Variants in RNASE8 observed in about 807,000 individuals in gnomAD.
RNASE8 encodes the protein ribonuclease 8.
For missense variants in RNASE8, 179 were observed against 187.9 expected (o/e 0.95, Z 0.28); for synonymous variants, 68 against 74.1 (o/e 0.92, Z 0.42).
Position 21,058,046 on chromosome 14 carries a change from T to C in RNASE8, c.154T>C (p.Ser52Pro). ...GCAGCCCAGCCCTCAAGCATGCAACTCAGCCATGAGCATCATCAATAAGTA... is the reference window on the plus strand; with the variant it reads ...GCAGCCCAGCCCTCAAGCATGCAACCCAGCCATGAGCATCATCAATAAGTA... Reference protein sequence around the residue: ...HVQPSPQACNSAMSIINKYTE... With the variant: ...HVQPSPQACNPAMSIINKYTE... The change falls in exon 1 of 1, where the codon TCA (serine) becomes CCA (proline). Residue 52 changes from serine (S) to proline (P), a missense_variant. Physicochemically the swap from Ser to Pro is moderately conservative, Grantham distance 74. Coordinates refer to ENST00000308227, the MANE Select transcript of RNASE8 (RefSeq NM_138331.2). The C allele has an allele frequency of 6.2e-7, 1 of 1,614,086 alleles. No homozygotes were observed. The highest frequency in any genetic ancestry group is 1.1e-5 in the South Asian group (1 of 91,062).
rs568910762 is a variant in RNASE8, at chr14:21,058,395, T to C, written c.*38T>C. The C allele has an allele frequency of 3.0e-5, 42 of 1,401,342 alleles. No individual in the cohort carries two copies. The African/African-American group carries it at 3.7e-4, about 12-fold the overall frequency. The allele number at this position is 1,401,342 out of a possible 1,614,324, so 86.8% of individuals were successfully genotyped here. On this transcript the variant is annotated 3_prime_UTR_variant, in exon 1 of 1. Coordinates refer to ENST00000308227, the MANE Select transcript of RNASE8 (RefSeq NM_138331.2). ...ACGTTCCACCTCACACTCTGCAGAC[T>C]GTATGCTGCTGCTTTTCCTCCCTCC...
chr14:21,058,388 T>C lies in RNASE8; in HGVS notation c.*31T>C. The C allele has an allele frequency of 4.1e-6, 6 of 1,468,318 alleles. No individual in the cohort carries two copies. The highest frequency in any genetic ancestry group is 5.6e-6 in the Non-Finnish European group (6 of 1,065,358). 91.0% of individuals were successfully genotyped at this position (1,468,318 alleles called of 1,614,324 possible). On this transcript the variant is annotated 3_prime_UTR_variant, in exon 1 of 1. Transcript: ENST00000308227. ...GGTGCCCACGTTCCACCTCACACTC[T>C]GCAGACTGTATGCTGCTGCTTTTCC...
chr14:21,058,093 C>G lies in RNASE8; in HGVS notation c.201C>G (p.Leu67=), dbSNP rs374517454. Reference sequence around the variant, plus strand: ...AGTACACAGAACGGTGCAAAGACCTCAACACCTTCCTGCACGAGCCCTTCT... The same window carrying G: ...AGTACACAGAACGGTGCAAAGACCTGAACACCTTCCTGCACGAGCCCTTCT... The part of the protein sequence containing the change: ...INKYTERCKD[L]NTFLHEPFSS... Residue 67 remains leucine (L), a synonymous_variant, in exon 1 of 1, where the codon CTC becomes CTG. Transcript: ENST00000308227. The G allele has an allele frequency of 2.5e-6, 4 of 1,614,038 alleles. No individual in the cohort carries two copies. The African/African-American group carries it at 5.3e-5, about 22-fold the overall frequency.
In RNASE8 at chr14:21,057,849, TC is replaced by T; in HGVS notation, c.-42del. 1 of 1,549,640 alleles carries T rather than the reference TC, an allele frequency of 6.5e-7. No individual in the cohort carries two copies. The highest frequency in any genetic ancestry group is 8.8e-7 in the Non-Finnish European group (1 of 1,130,858). ...AGACTCCCCCATGATGACCTATTCATCCACCTACCTCCTCACTCTGTTCCAC... is the reference window on the plus strand; with the variant it reads ...AGACTCCCCCATGATGACCTATTCATCACCTACCTCCTCACTCTGTTCCAC... On this transcript the variant is annotated 5_prime_UTR_variant, in exon 1 of 1. An upstream open reading frame in the 5' UTR loses its in-frame stop. Coordinates refer to ENST00000308227, the MANE Select transcript of RNASE8 (RefSeq NM_138331.2).
chr14:21,058,154 G>A lies in RNASE8; in HGVS notation c.262G>A (p.Ala88Thr). 1 of 1,614,082 alleles carries A rather than the reference G, an allele frequency of 6.2e-7. No homozygotes were observed. Among genetic ancestry groups the A allele is most frequent in the Middle Eastern group, 1.6e-4 (1 of 6,062 alleles). The change falls in exon 1 of 1, where the codon GCC becomes ACC. Residue 88 changes from alanine to threonine, a missense_variant. Coordinates refer to ENST00000308227, the MANE Select transcript of RNASE8 (RefSeq NM_138331.2). ...CATCACCTGCCAGACCCCCAACATAGCCTGCAAGAATAGCTGTAAAAACTG... is the reference window on the plus strand; with the variant it reads ...CATCACCTGCCAGACCCCCAACATAACCTGCAAGAATAGCTGTAAAAACTG... ...VAITCQTPNI[A>T]CKNSCKNCHQ...
chr14:21,058,032 C>G lies in RNASE8; in HGVS notation c.140C>G (p.Pro47Arg). 1 of 1,614,108 alleles carries G rather than the reference C, an allele frequency of 6.2e-7. No individual in the cohort carries two copies. The highest frequency in any genetic ancestry group is 8.5e-7 in the Non-Finnish European group (1 of 1,180,016). Residue 47 changes from proline to arginine, a missense_variant, in exon 1 of 1, where the codon CCT (proline) becomes CGT (arginine). By Grantham distance (103) the Pro-to-Arg change is moderately radical. Transcript: ENST00000308227. Reference protein sequence around the residue: ...WFKTQHVQPSPQACNSAMSII... With the variant: ...WFKTQHVQPSRQACNSAMSII... Reference sequence around the variant, plus strand: ...AAAACTCAGCATGTGCAGCCCAGCCCTCAAGCATGCAACTCAGCCATGAGC... The same window carrying G: ...AAAACTCAGCATGTGCAGCCCAGCCGTCAAGCATGCAACTCAGCCATGAGC...
At position 21,058,446 on chromosome 14, in the gene RNASE8, A is replaced by C; in HGVS notation, c.*89A>C. 1 of 929,148 alleles carries C rather than the reference A, an allele frequency of 1.1e-6. No homozygotes were observed. The highest frequency in any genetic ancestry group is 1.7e-5 in the African/African-American group (1 of 60,220). 57.6% of individuals were successfully genotyped at this position (929,148 alleles called of 1,614,324 possible). On this transcript the variant is annotated 3_prime_UTR_variant, in exon 1 of 1. Transcript: ENST00000308227. ...AGTTCGTTATTAATCCTTGCTCCCC[A>C]CTGCAAATGCCATTTCCCTCCCACA...
chr14:21,057,949 G>A, the RNASE8 span: 1 of 1,614,006 alleles, frequency 6.2e-7, no homozygotes. Context: ...TGGGGCTGTG[G>A]GTGGCAGAGG....
At position 21,058,011 on chromosome 14, in the gene RNASE8, C is replaced by T; in HGVS notation, c.119C>T (p.Thr40Ile). 1 of 1,614,114 alleles carries T rather than the reference C, an allele frequency of 6.2e-7. No homozygotes were observed. Among genetic ancestry groups the T allele is most frequent in the Non-Finnish European group, 8.5e-7 (1 of 1,180,006 alleles). The stretch of plus-strand genomic sequence containing the variant: ...ATGACATCATCTCAGTGGTTTAAAA[C>T]TCAGCATGTGCAGCCCAGCCCTCAA... ...KDMTSSQWFK[T>I]QHVQPSPQAC... Residue 40 changes from threonine to isoleucine, a missense_variant, in exon 1 of 1, where the codon ACT becomes ATT. Physicochemically the swap from Thr to Ile is moderately conservative, Grantham distance 89 (BLOSUM62 -1). Transcript: ENST00000308227.
In RNASE8 at chr14:21,058,246, C is replaced by T; in HGVS notation, c.354C>T (p.Cys118=). ...TCACCTCAGGGAAGTACCCAAACTG[C>T]AGGTACAAAGAGAAGCACCTGAACA... ...GELTSGKYPN[C]RYKEKHLNTP... Residue 118 remains cysteine, a synonymous_variant, in exon 1 of 1, where the codon TGC becomes TGT. Transcript: ENST00000308227. 6.2e-7 allele frequency: 1 copy of T among 1,614,174 alleles called. No individual in the cohort carries two copies. The highest frequency in any genetic ancestry group is 8.5e-7 in the Non-Finnish European group (1 of 1,180,008).
chr14:21,057,922 C>CTG, the RNASE8 span: 5 of 1,609,596 alleles, frequency 3.1e-6, no homozygotes, highest in Non-Finnish European at 1.7e-6. Flanking sequence ...GATGCTGCCC[C>CTG]CTGCTGCTGC....
At position 21,058,165 on chromosome 14, in the gene RNASE8, T is replaced by C. The variant is rs1426459893; in HGVS notation, c.273T>C (p.Asn91=). 1.9e-6 allele frequency: 3 copies of C among 1,613,990 alleles called. No homozygotes were observed. Among genetic ancestry groups the C allele is most frequent in the Non-Finnish European group, 1.7e-6 (2 of 1,180,022 alleles). ...AGACCCCCAACATAGCCTGCAAGAA[T>C]AGCTGTAAAAACTGCCACCAGAGCC... ...TCQTPNIACK[N]SCKNCHQSHG... The change falls in exon 1 of 1, where the codon AAT becomes AAC. Residue 91 remains asparagine (N), a synonymous_variant. Coordinates refer to ENST00000308227, the MANE Select transcript of RNASE8 (RefSeq NM_138331.2).
rs12435011 is a variant in RNASE8, at chr14:21,057,885, T to C, written c.-8T>C. ...CCTCACTCTGTTCCACTGTCTCCCT[T>C]AAGAGAGATGGCACCGGCCAGAGCA... On this transcript the variant is annotated 5_prime_UTR_variant, in exon 1 of 1. It removes the in-frame stop codon of an upstream open reading frame in the 5' UTR. Transcript: ENST00000308227. The C allele has an allele frequency of 0.59, 952,446 of 1,610,466 alleles. 283,701 individuals are homozygous for C. The highest frequency in any genetic ancestry group is 0.61 in the Non-Finnish European group (715,026 of 1,177,664).
Position 21,057,946 on chromosome 14 carries a change from G to C in RNASE8, c.54G>C (p.Leu18=). ...CCPLLLLLLG[L]WVAEVLVRAK... ...CCCTGCTGCTGCTGCTTCTGGGGCT[G>C]TGGGTGGCAGAGGTCCTAGTCAGAG... The change falls in exon 1 of 1, where the codon CTG becomes CTC. Residue 18 remains leucine (L), a synonymous_variant. Coordinates refer to ENST00000308227, the MANE Select transcript of RNASE8 (RefSeq NM_138331.2). 1 of 1,614,070 alleles carries C rather than the reference G, an allele frequency of 6.2e-7. No homozygotes were observed. The highest frequency in any genetic ancestry group is 8.5e-7 in the Non-Finnish European group (1 of 1,180,014).
In RNASE8 at chr14:21,057,984, A is replaced by T. The variant is rs1435321479; in HGVS notation, c.92A>T (p.Asp31Val). The T allele has an allele frequency of 3.1e-6, 5 of 1,613,942 alleles. No individual in the cohort carries two copies. Among genetic ancestry groups the T allele is most frequent in the Non-Finnish European group, 4.2e-6 (5 of 1,180,014 alleles). ...AEVLVRAKPK[D>V]MTSSQWFKTQ... ...GTCCTAGTCAGAGCCAAGCCCAAGG[A>T]CATGACATCATCTCAGTGGTTTAAA... is the stretch of plus-strand genomic sequence containing the variant. Residue 31 changes from aspartate (D) to valine (V), a missense_variant, in exon 1 of 1, where the codon GAC (aspartate) becomes GTC (valine). Transcript: ENST00000308227.
In RNASE8 at chr14:21,058,064, A is replaced by G. The variant is rs1398313486; in HGVS notation, c.172A>G (p.Asn58Asp). The G allele has an allele frequency of 1.2e-6, 2 of 1,613,998 alleles. No individual in the cohort carries two copies. The highest frequency in any genetic ancestry group is 2.7e-5 in the African/African-American group (2 of 74,882). ...QACNSAMSII[N>D]KYTERCKDLN... Reference sequence around the variant, plus strand: ...ATGCAACTCAGCCATGAGCATCATCAATAAGTACACAGAACGGTGCAAAGA... The same window carrying G: ...ATGCAACTCAGCCATGAGCATCATCGATAAGTACACAGAACGGTGCAAAGA... The change falls in exon 1 of 1, where the codon AAT (asparagine) becomes GAT (aspartate). Residue 58 changes from asparagine to aspartate, a missense_variant. Physicochemically the swap from Asn to Asp is conservative, Grantham distance 23. Coordinates refer to ENST00000308227, the MANE Select transcript of RNASE8 (RefSeq NM_138331.2).
chr14:21,057,948 G>A, the RNASE8 span: 1 of 1,613,930 alleles, frequency 6.2e-7, no homozygotes, highest in East Asian at 2.2e-5. Flanking sequence ...CTGGGGCTGT[G>A]GGTGGCAGAG....
Position 21,057,913 on chromosome 14 carries a change from A to G in RNASE8, c.21A>G (p.Gly7=). 6.2e-7 allele frequency: 1 copy of G among 1,613,928 alleles called. No individual in the cohort carries two copies. The highest frequency in any genetic ancestry group is 8.5e-7 in the Non-Finnish European group (1 of 1,179,978). The change falls in exon 1 of 1, where the codon GGA becomes GGG. Residue 7 remains glycine, a synonymous_variant. Transcript: ENST00000308227. MAPARA[G]CCPLLLLLLG... ...GAGAGATGGCACCGGCCAGAGCAGG[A>G]TGCTGCCCCCTGCTGCTGCTGCTTC...
Position 21,057,922 on chromosome 14 carries a change from C to CCTG in RNASE8, c.42_44dup (p.Leu16dup), listed in dbSNP as rs775388608. On this transcript the variant is annotated inframe_insertion, in exon 1 of 1. Coordinates refer to ENST00000308227, the MANE Select transcript of RNASE8 (RefSeq NM_138331.2). ...CACCGGCCAGAGCAGGATGCTGCCC[C>CCTG]CTGCTGCTGCTGCTTCTGGGGCTGT... The CCTG allele has an allele frequency of 1.2e-6, 2 of 1,609,596 alleles. No individual in the cohort carries two copies. Among genetic ancestry groups the CCTG allele is most frequent in the South Asian group, 2.2e-5 (2 of 90,888 alleles).
Sources: allele counts gnomAD v4.1 joint callset, GRCh38; gene constraint gnomAD v4.1.1; transcripts MANE v1.5; gene names NCBI Gene and HGNC (gene_info 2026-07-23, HGNC 2026-07-21).